The following RACK1 variants were observed in gnomAD, a reference collection of about 807,000 sequenced individuals.
The protein encoded by RACK1 is receptor for activated C kinase 1, also known as small ribosomal subunit protein RACK1.
In RACK1, 3 loss-of-function variants were observed where a neutral mutation model predicts 42.2. The observed-to-expected ratio is 0.07, with a 90% CI of 0.03 to 0.18. RACK1 has a LOEUF of 0.18. Among genes scored for constraint, RACK1 ranks in the 10% least tolerant of loss-of-function variants. The probability of loss-of-function intolerance (pLI) is 1.00; values close to 1 mark genes in which losing one functional copy is unlikely to be tolerated. For missense variants in RACK1, 146 were observed against 403.2 expected (o/e 0.36, Z 5.46); for synonymous variants, 181 against 154.8 (o/e 1.17, Z -1.25).
intron 2 of RACK1, 109 bp from the exon 3 acceptor site, chr5:181,241,748 T>G: frequency 8.2e-7 from 1 of 1,218,744 alleles, no homozygotes; most frequent in South Asian, 1.2e-5. Context: ...CATACAACCC[T>G]GGATTTGGCT....
intron 5 of RACK1, chr5:181,238,775 G>A: frequency 2.5e-6 from 1 of 395,398 alleles, no homozygotes; most frequent in South Asian, 2.1e-5. Flanking sequence ...CTCCAGCCTT[G>A]GCAGCCGAGT....
intron 4 of RACK1, 144 bp from the exon 5 acceptor site, chr5:181,239,321 AAC>A: frequency 1.3e-6 from 1 of 761,508 alleles, no homozygotes; most frequent in Non-Finnish European, 2.4e-6. Flanking sequence ...GTTAGATTAT[AAC>A]ACATATCCAA....
chr5:181,240,048 C>A (rs2771000), intron 3 of RACK1, among the ~76,000 whole-genome samples: 23,252 of 150,570 alleles, frequency 0.15, 1,807 homozygotes, highest in Middle Eastern at 0.21. Context: ...ACTTCATCTC[C>A]AAAAAAAATA....
chr5:181,243,160 G>A (rs111326428), intron 1 of RACK1: 14,979 of 718,354 alleles, frequency 0.021, 233 homozygotes, highest in South Asian at 0.037. Flanking sequence ...TAACAGTGTA[G>A]CAGCAAAGCG....
At chr5:181,241,749 G>A in intron 2 of RACK1, 110 bp from the exon 3 acceptor site, 1 of 1,220,494 alleles carries the variant, frequency 8.2e-7, no homozygotes, top group Non-Finnish European at 1.2e-6. Context: ...ATACAACCCT[G>A]GATTTGGCTC....
chr5:181,241,988 C>T (rs2113217653), intron 2 of RACK1, 186 bp downstream of exon 2: 2 of 784,462 alleles, frequency 2.5e-6, no homozygotes, highest in South Asian at 2.7e-5. Context: ...AAATGTTCAG[C>T]CACACTCCTC....
intron 6 of RACK1, 42 bp from the exon 7 acceptor site, chr5:181,237,761 A>G (rs1450404808): frequency 2.4e-6 from 2 of 833,286 alleles, no homozygotes; most frequent in African/African-American, 1.8e-4. Context: ...TTACCAATCA[A>G]GAGAGTCTCC....
In RACK1 at chr5:181,236,911, G is replaced by T. The variant is rs894323733; in HGVS notation, c.*66C>A. 1 of 1,493,496 alleles carries T rather than the reference G, an allele frequency of 6.7e-7. No homozygotes were observed. The highest frequency in any genetic ancestry group is 2.4e-5 in the Admixed American group (1 of 41,414). 92.5% of individuals were successfully genotyped at this position (1,493,496 alleles called of 1,614,324 possible). On this transcript the variant is annotated 3_prime_UTR_variant, in exon 8 of 8. Transcript: ENST00000512805. ...TAGAATGGAGCTTTTTTGCATATAA[G>T]AAAAAAAAACCTAAAAGTCAGAAAA...
In RACK1 at chr5:181,240,048, C is replaced by CA. The variant is rs1390933165; in HGVS notation, c.430-467dup. On this transcript the variant is annotated intron_variant, in intron 3 of 7. Coordinates refer to ENST00000512805, the MANE Select transcript of RACK1 (RefSeq NM_006098.5). ...CAACGAACAAGTGAAACTTCATCTCCAAAAAAAATATAATAATAATAATAG... is the reference window on the plus strand; with the variant it reads ...CAACGAACAAGTGAAACTTCATCTCCAAAAAAAAATATAATAATAATAATAG... 4.5e-3 allele frequency among the ~76,000 whole-genome samples: 685 copies of CA among 150,622 alleles called. 4 individuals are homozygous for CA. Among genetic ancestry groups the CA allele is most frequent in the African/African-American group, 0.016 (663 of 41,006 alleles).
At position 181,242,132 on chromosome 5, in the gene RACK1, G is replaced by A. The variant is rs1383408890; in HGVS notation, c.281+42C>T. The A allele has an allele frequency of 8.9e-6, 14 of 1,569,822 alleles. No individual in the cohort carries two copies. In the Admixed American group the frequency reaches 2.1e-4, roughly 23 times the overall value. On this transcript the variant is annotated intron_variant, in intron 2 of 7. Coordinates refer to ENST00000512805, the MANE Select transcript of RACK1 (RefSeq NM_006098.5). The stretch of plus-strand genomic sequence containing the variant: ...ATTGCATCCACCTCACTTCTGCCCA[G>A]ATTCTTCCCAAGGCCCCAGAGCTAA...
rs370355975 is a variant in RACK1, at chr5:181,238,063, C to T, written c.777+36G>A. ...CAAAACATTGCCAGGGCTCAGAGTG[C>T]AGCCAGGTACCCAGTCAATTGTAAC... On this transcript the variant is annotated intron_variant, in intron 6 of 7. Coordinates refer to ENST00000512805, the MANE Select transcript of RACK1 (RefSeq NM_006098.5). The T allele has an allele frequency of 5.0e-6, 8 of 1,609,370 alleles. No homozygotes were observed. In the African/African-American group the frequency reaches 8.0e-5, roughly 16 times the overall value.
intron 5 of RACK1, 122 bp from the exon 6 acceptor site, chr5:181,238,361 G>C: frequency 6.1e-6 from 6 of 977,494 alleles, no homozygotes; most frequent in Non-Finnish European, 9.4e-6. Flanking sequence ...TTCTTTGAAA[G>C]CTAATGACTC....
intron 5 of RACK1, chr5:181,238,672 G>A (rs1759224693): frequency 2.8e-6 from 1 of 358,618 alleles, no homozygotes; most frequent in South Asian, 2.2e-5. Context: ...AGTGATGGCG[G>A]GTGCCTGTAA....
chr5:181,243,383 C>T (rs1283042315), intron 1 of RACK1: 1 of 1,419,070 alleles, frequency 7.0e-7, no homozygotes, highest in Non-Finnish European at 9.4e-7. Context: ...CCGCCCCGCC[C>T]GGCCCGTAGG....
chr5:181,241,194 C>T (rs935429986), intron 3 of RACK1: 3 of 243,140 alleles, frequency 1.2e-5, no homozygotes, highest in African/African-American at 4.6e-5. Flanking sequence ...TTTGGGAGGG[C>T]GAGGCAGGCA....
chr5:181,238,475 G>T, intron 5 of RACK1: 1 of 479,982 alleles, frequency 2.1e-6, no homozygotes, highest in East Asian at 3.9e-5. Context: ...AATCATTTCT[G>T]AAAACCAGGA....
At chr5:181,238,819 AC>A (rs200336549) in intron 5 of RACK1, 291 of 488,972 alleles carry the variant, frequency 6.0e-4, no homozygotes, top group African/African-American at 5.8e-3. Flanking sequence ...CAAAAAACAA[AC>A]AAACAAAAAA....
rs776038456 is a variant in RACK1, at chr5:181,243,816, G to T, written c.-16C>A. The T allele has an allele frequency of 1.9e-6, 3 of 1,591,938 alleles. No individual in the cohort carries two copies. Among genetic ancestry groups the T allele is most frequent in the Non-Finnish European group, 8.6e-7 (1 of 1,169,332 alleles). On this transcript the variant is annotated 5_prime_UTR_variant, in exon 1 of 8. Transcript: ENST00000512805. ...GCTCAGTCATGGCGGCGGCGAGAGC[G>T]TGTGTCGCTGCAGCGACGAGGATGG...
Position 181,237,056 on chromosome 5 carries a change from A to G in RACK1, c.889-14T>C. The G allele has an allele frequency of 1.2e-6, 2 of 1,613,348 alleles. No individual in the cohort carries two copies. The highest frequency in any genetic ancestry group is 1.7e-6 in the Non-Finnish European group (2 of 1,179,822). ...AGCAAACAGAGTCTGCAGGGAAGAA[A>G]TGACAGTGACAGGTCAGGCTGGCAT... On this transcript the variant is annotated splice_polypyrimidine_tract_variant and intron_variant, in intron 7 of 7. Transcript: ENST00000512805.
Sources: gnomAD v4.1 joint callset for allele counts (sites outside exome capture counted in the v4.1 genomes callset) on GRCh38, gnomAD v4.1.1 for gene constraint, MANE v1.5 for transcripts, NCBI Gene and HGNC (gene_info 2026-07-23, HGNC 2026-07-21) for gene names.